The following AP1M2 variants were observed in gnomAD, a reference collection of about 807,000 sequenced individuals.
AP1M2 encodes AP-1 complex subunit mu-2.
A neutral mutation model predicts 54.6 loss-of-function variants in AP1M2; 41 were observed. The ratio of observed to expected loss-of-function variants is 0.75; its 90% CI spans 0.59 to 0.97. The LOEUF is 0.97. AP1M2 is among the 50% of genes least tolerant of loss of function. The pLI is 0.00. For missense variants in AP1M2, 507 were observed against 561.2 expected (o/e 0.90, Z 0.98); for synonymous variants, 219 against 215.9 (o/e 1.01, Z -0.13).
At position 10,581,493 on chromosome 19, in the gene AP1M2, G is replaced by A; in HGVS notation, c.540C>T (p.Asn180=). 1.2e-6 allele frequency: 2 copies of A among 1,613,924 alleles called. No individual in the cohort carries two copies. The highest frequency in any genetic ancestry group is 1.7e-4 in the Middle Eastern group (1 of 6,060). The change falls in exon 5 of 12, where the codon AAC becomes AAT. Residue 180 remains asparagine (N), a synonymous_variant. Transcript: ENST00000250244. ...GGGAGGTGTGCAGGCTCACCAGCAG[G>A]TTGACAGACTCTATGACATCAATGA... ...EVFIDVIESV[N]LLVNANGSVL...
At chr19:10,573,947 C>G (rs964679750) in intron 11 of AP1M2, among the ~76,000 whole-genome samples, 10 of 152,112 alleles carry the variant, frequency 6.6e-5, no homozygotes. Flanking sequence ...AGATGTGAGC[C>G]ACCACACCCA....
At chr19:10,586,314 G>C (rs376867047) in intron 1 of AP1M2, among the ~76,000 whole-genome samples, 1 of 150,092 alleles carries the variant, frequency 6.7e-6, no homozygotes, top group African/African-American at 2.4e-5. Flanking sequence ...AATTAGCCAG[G>C]CATGGTGGCA....
At chr19:10,580,549 G>T (rs1477864531) in intron 6 of AP1M2, among the ~76,000 whole-genome samples, 7 of 152,198 alleles carry the variant, frequency 4.6e-5, no homozygotes, top group Non-Finnish European at 1.5e-5. Flanking sequence ...TATAGTCCCA[G>T]CTACTCAGGA....
intron 1 of AP1M2, 138 bp downstream of exon 1, chr19:10,587,052 G>A: frequency 1.0e-6 from 1 of 953,278 alleles, no homozygotes; most frequent in Non-Finnish European, 1.6e-6. Flanking sequence ...AGTGGATGCT[G>A]GAGGTGGGAT....
In AP1M2 at chr19:10,581,349, G is replaced by T. The variant is rs540463824; in HGVS notation, c.590C>A (p.Thr197Asn). 6.2e-7 allele frequency: 1 copy of T among 1,613,516 alleles called. No homozygotes were observed. The highest frequency in any genetic ancestry group is 8.5e-7 in the Non-Finnish European group (1 of 1,179,582). ...GSVLLSEIVG[T>N]IKLKVFLSGM... ...TGACAGAAACACCTTGAGCTTGATG[G>T]TACCGACGATTTCGCTCAGAAGGAC... Residue 197 changes from threonine (T) to asparagine (N), a missense_variant, in exon 6 of 12, where the codon ACC (threonine) becomes AAC (asparagine). Transcript: ENST00000250244.
At chr19:10,577,711 A>G (rs923600420) in intron 8 of AP1M2, among the ~76,000 whole-genome samples, 3 of 144,442 alleles carry the variant, frequency 2.1e-5, no homozygotes, top group Admixed American at 7.1e-5. Flanking sequence ...CTGGGATTAC[A>G]GGCGTGAGCC....
chr19:10,572,864 G>T lies in AP1M2; in HGVS notation c.*202C>A. ...CAGGGGGATGGGGAAAGCTCCAAGG[G>T]CGAGGGAAGCAGAGAGAGTTTCTCT... is the stretch of plus-strand genomic sequence containing the variant. On this transcript the variant is annotated 3_prime_UTR_variant, in exon 12 of 12. Coordinates refer to ENST00000250244, the MANE Select transcript of AP1M2 (RefSeq NM_005498.5). 1.9e-6 allele frequency: 1 copy of T among 525,276 alleles called. No individual in the cohort carries two copies. Among genetic ancestry groups the T allele is most frequent in the East Asian group, 3.1e-5 (1 of 32,566 alleles). 32.5% of individuals were successfully genotyped at this position (525,276 alleles called of 1,614,324 possible). A position where few individuals can be genotyped will look rare whatever the true frequency, so the allele number is the denominator to read the frequency against.
chr19:10,572,764 C>T lies in AP1M2; in HGVS notation c.*302G>A, dbSNP rs1917097913. On this transcript the variant is annotated 3_prime_UTR_variant, in exon 12 of 12. Transcript: ENST00000250244. ...CTGTGAAGGAGGGACCCGCAACACCCGCTAAGGCAGGTAATTGCAAGAAGG... is the reference window on the plus strand; with the variant it reads ...CTGTGAAGGAGGGACCCGCAACACCTGCTAAGGCAGGTAATTGCAAGAAGG... 2 of 339,792 alleles carry T rather than the reference C, an allele frequency of 5.9e-6. No homozygotes were observed. The highest frequency in any genetic ancestry group is 4.8e-5 in the South Asian group (1 of 20,990). 21.0% of individuals were successfully genotyped at this position (339,792 alleles called of 1,614,324 possible).
chr19:10,580,487 T>C (rs10409578), intron 6 of AP1M2, among the ~76,000 whole-genome samples: 136,379 of 152,026 alleles, frequency 0.9, 61,300 homozygotes, highest in East Asian at 1. Context: ...TGGTGAAACC[T>C]CGTCTCCACT....
In AP1M2 at chr19:10,572,714, C is replaced by G; in HGVS notation, c.*352G>C. 1 of 250,338 alleles carries G rather than the reference C, an allele frequency of 4.0e-6. No individual in the cohort carries two copies. The highest frequency in any genetic ancestry group is 8.7e-5 in the East Asian group (1 of 11,514). 15.5% of individuals were successfully genotyped at this position (250,338 alleles called of 1,614,324 possible). Reference sequence around the variant, plus strand: ...GACATCCTAAAATTCAGAGGAGGGGCCAGCGGGACCTCTGGGCTCAGCGGC... The same window carrying G: ...GACATCCTAAAATTCAGAGGAGGGGGCAGCGGGACCTCTGGGCTCAGCGGC... On this transcript the variant is annotated 3_prime_UTR_variant, in exon 12 of 12. Transcript: ENST00000250244.
At chr19:10,579,947 T>C in intron 6 of AP1M2, 89 bp from the exon 7 acceptor site, 1 of 1,355,624 alleles carries the variant, frequency 7.4e-7, no homozygotes, top group Non-Finnish European at 9.9e-7. Flanking sequence ...CTGTCACCTA[T>C]TTCACATATG....
chr19:10,584,182 G>A (rs1917560389), intron 1 of AP1M2, 112 bp from the exon 2 acceptor site: 2 of 1,348,940 alleles, frequency 1.5e-6, no homozygotes, highest in East Asian at 5.0e-5. Context: ...GCTTGGGCAA[G>A]GCTCTGCCTC....
intron 1 of AP1M2, among the ~76,000 whole-genome samples, chr19:10,584,749 T>C (rs1314489430): frequency 6.6e-6 from 1 of 152,092 alleles, no homozygotes; most frequent in Non-Finnish European, 1.5e-5. Flanking sequence ...GCCACAACCC[T>C]GTGGGGTAGA....
chr19:10,584,870 G>C (rs1917577615), intron 1 of AP1M2: 1 of 151,634 alleles, frequency 6.6e-6, no homozygotes, highest in African/African-American at 2.4e-5. Flanking sequence ...CAGAATCCCT[G>C]CTGTTGCCCC....
intron 1 of AP1M2, among the ~76,000 whole-genome samples, chr19:10,585,469 CGGGTGG>C (rs1917630461): frequency 6.6e-6 from 1 of 151,924 alleles, no homozygotes; most frequent in African/African-American, 2.4e-5. Context: ...GAGGCTAAGG[CGGGTGG>C]ATCATGAGGT....
chr19:10,583,868 G>T lies in AP1M2; in HGVS notation c.199+46C>A. ...CTTGGCCTGAGCTGCCACCATCGCCGACAGCCCCCACACCCACCTCCAGGG... is the reference window on the plus strand; with the variant it reads ...CTTGGCCTGAGCTGCCACCATCGCCTACAGCCCCCACACCCACCTCCAGGG... On this transcript the variant is annotated intron_variant, in intron 2 of 11. Coordinates refer to ENST00000250244, the MANE Select transcript of AP1M2 (RefSeq NM_005498.5). 3 of 1,558,298 alleles carry T rather than the reference G, an allele frequency of 1.9e-6. No individual in the cohort carries two copies. In the South Asian group the frequency reaches 3.5e-5, roughly 18 times the overall value.
intron 1 of AP1M2, among the ~76,000 whole-genome samples, chr19:10,586,775 G>A (rs1917666781): frequency 6.6e-6 from 1 of 152,136 alleles, no homozygotes; most frequent in Non-Finnish European, 1.5e-5. Context: ...ACTTCAGGAA[G>A]AGGCAAGGCA....
chr19:10,575,856 T>A (rs1483189734), intron 9 of AP1M2, among the ~76,000 whole-genome samples: 1 of 144,312 alleles, frequency 6.9e-6, no homozygotes, highest in Admixed American at 7.2e-5. Context: ...AAGCTCCGCC[T>A]CCCAGGTTCA....
intron 8 of AP1M2, 146 bp from the exon 9 acceptor site, chr19:10,577,502 C>T (rs1453034751): frequency 5.7e-6 from 5 of 872,694 alleles, no homozygotes; most frequent in African/African-American, 4.1e-5. Flanking sequence ...GGCGCGATCT[C>T]GGCTGGCTGT....
Sources: allele counts gnomAD v4.1 joint callset (sites outside exome capture counted in the v4.1 genomes callset), GRCh38; gene constraint gnomAD v4.1.1; transcripts MANE v1.5; gene names NCBI Gene and HGNC (gene_info 2026-07-23, HGNC 2026-07-21).